Variants in FMN1 observed in about 807,000 individuals in gnomAD.
FMN1 encodes formin 1, also known as formin-1.
FMN1 carries 110 observed loss-of-function variants against 132.4 expected under a neutral mutation model. The ratio of observed to expected loss-of-function variants is 0.83; its 90% confidence interval spans 0.71 to 0.97. FMN1 has a LOEUF of 0.97. FMN1 is among the 50% of genes least tolerant of loss of function. The probability of loss-of-function intolerance (pLI) is 0.00; values close to 1 mark genes in which losing one functional copy is unlikely to be tolerated. For missense variants in FMN1, 1,792 were observed against 1,705.3 expected (o/e 1.05, Z -0.90); for synonymous variants, 722 against 651.7 (o/e 1.11, Z -1.64).
intron 12 of FMN1, among the ~76,000 whole-genome samples, chr15:32,902,705 A>G (rs951916559): frequency 6.6e-6 from 1 of 152,166 alleles, no homozygotes; most frequent in Non-Finnish European, 1.5e-5. Flanking sequence ...CAGATCTTAA[A>G]AGCTAAAGGT....
At chr15:32,956,818 A>G (rs897865075) in intron 9 of FMN1, among the ~76,000 whole-genome samples, 2 of 152,210 alleles carry the variant, frequency 1.3e-5, no homozygotes, top group Non-Finnish European at 2.9e-5. Flanking sequence ...TAAACTTGGA[A>G]AGCAATAGGT....
At chr15:33,143,601 C>G (rs1365450435) in intron 4 of FMN1, among the ~76,000 whole-genome samples, 1 of 152,034 alleles carries the variant, frequency 6.6e-6, no homozygotes, top group South Asian at 2.1e-4. Context: ...GATGGGACAC[C>G]AAGAACAAAG....
chr15:33,117,709 A>G (rs1405875482), intron 4 of FMN1, among the ~76,000 whole-genome samples: 1 of 152,088 alleles, frequency 6.6e-6, no homozygotes, highest in Non-Finnish European at 1.5e-5. Context: ...CTAGAGATTA[A>G]CTATTATCTA....
chr15:32,978,987 G>A (rs1253614858), intron 7 of FMN1, among the ~76,000 whole-genome samples: 1 of 152,186 alleles, frequency 6.6e-6, no homozygotes, highest in Non-Finnish European at 1.5e-5. Flanking sequence ...TCTTTCTGGT[G>A]TAAAAGATGA....
At chr15:32,799,260 C>T (rs778963723) in intron 18 of FMN1, among the ~76,000 whole-genome samples, 1 of 152,134 alleles carries the variant, frequency 6.6e-6, no homozygotes, top group Admixed American at 6.5e-5. Flanking sequence ...CTCAAATCCC[C>T]GTCTCTTCCC....
chr15:33,098,084 T>C lies in FMN1; in HGVS notation c.1868-9110A>G, dbSNP rs2039155043. On this transcript the variant is annotated intron_variant, in intron 4 of 20. Coordinates refer to ENST00000616417, the MANE Select transcript of FMN1 (RefSeq NM_001277313.2). ...GCTACAATGGAATTAAATTAGGTAC[T>C]GATAACAGAAAATTATTCGGAAAAT... Among the ~76,000 whole-genome samples, 5 of 152,218 alleles carry C rather than the reference T, an allele frequency of 3.3e-5. No homozygotes were observed. The South Asian group carries it at 8.3e-4, about 25-fold the overall frequency.
chr15:33,036,417 T>C (rs2036195392), intron 6 of FMN1, among the ~76,000 whole-genome samples: 1 of 152,242 alleles, frequency 6.6e-6, no homozygotes, highest in Non-Finnish European at 1.5e-5. Flanking sequence ...TAATTATCAC[T>C]GTATATTTAA....
At chr15:33,002,373 T>G (rs1479861596) in intron 7 of FMN1, among the ~76,000 whole-genome samples, 1 of 152,212 alleles carries the variant, frequency 6.6e-6, no homozygotes, top group Non-Finnish European at 1.5e-5. Context: ...ACTAGGTCTG[T>G]GACAAAAGAT....
chr15:33,002,186 C>CT (rs2140915479), intron 7 of FMN1, among the ~76,000 whole-genome samples: 1 of 152,252 alleles, frequency 6.6e-6, no homozygotes, highest in East Asian at 1.9e-4. Context: ...GTCACTTTTT[C>CT]TTTTGTACTT....
Position 33,067,027 on chromosome 15 carries a change from C to A in FMN1, c.2044-1953G>T, listed in dbSNP as rs761299251. The A allele has an allele frequency of 2.5e-6, 4 of 1,613,874 alleles. No homozygotes were observed. The African/African-American group carries it at 5.3e-5, about 22-fold the overall frequency. ...TGGTCTCTCCTCCCTCAGCGGTAGC[C>A]CCCTTCTTCAGCACACGAAGCCCAC... On this transcript the variant is annotated intron_variant, in intron 5 of 20. Transcript: ENST00000616417.
At chr15:32,907,465 G>A (rs935776265) in intron 12 of FMN1, among the ~76,000 whole-genome samples, 3 of 152,046 alleles carry the variant, frequency 2.0e-5, no homozygotes, top group Non-Finnish European at 2.9e-5. Context: ...TGGTAATGCC[G>A]GCTTGTCTCT....
chr15:33,187,386 G>A (rs78032338), intron 2 of FMN1, among the ~76,000 whole-genome samples: 2,405 of 152,214 alleles, frequency 0.016, 70 homozygotes, highest in East Asian at 0.12. Context: ...AAAGAGTCCT[G>A]AAGAACCCTG....
intron 4 of FMN1, among the ~76,000 whole-genome samples, chr15:33,122,222 A>G (rs1246379200): frequency 6.6e-6 from 1 of 152,226 alleles, no homozygotes; most frequent in East Asian, 1.9e-4. Context: ...GTCACCAAAA[A>G]AAGTGAATAA....
At chr15:33,037,288 A>G (rs1206848798) in intron 6 of FMN1, among the ~76,000 whole-genome samples, 1 of 152,076 alleles carries the variant, frequency 6.6e-6, no homozygotes, top group Non-Finnish European at 1.5e-5. Flanking sequence ...AGATGCTTAC[A>G]GTTCCCAGTC....
chr15:32,824,891 A>G (rs2058325296), intron 17 of FMN1, among the ~76,000 whole-genome samples: 1 of 152,218 alleles, frequency 6.6e-6, no homozygotes, highest in Non-Finnish European at 1.5e-5. Context: ...ACATCCTGAC[A>G]TGAATAGCTG....
chr15:32,963,416 A>AGC (rs1393539548), intron 9 of FMN1, among the ~76,000 whole-genome samples: 1 of 152,028 alleles, frequency 6.6e-6, no homozygotes, highest in East Asian at 1.9e-4. Context: ...TAGTGGGTGC[A>AGC]GCGCACCAGC....
In FMN1 at chr15:33,153,498, C is replaced by A. The variant is rs1285234362; in HGVS notation, c.1417G>T (p.Asp473Tyr). The A allele has an allele frequency of 1.3e-6, 2 of 1,536,404 alleles. No homozygotes were observed. Among genetic ancestry groups the A allele is most frequent in the Non-Finnish European group, 1.7e-6 (2 of 1,146,996 alleles). The change falls in exon 4 of 21, where the codon GAT becomes TAT. Residue 473 changes from aspartate (D) to tyrosine (Y), a missense_variant. Asp to Tyr is a radical substitution (Grantham distance 160). This residue lies in a region of FMN1 where 638 missense variants were observed against 645.2 expected (regional missense o/e 0.99). Transcript: ENST00000616417. Reference protein sequence around the residue: ...PLGGHKSLFLDLPHKVGPDSS... With the variant: ...PLGGHKSLFLYLPHKVGPDSS... ...TCAGGACCTACTTTGTGGGGCAGAT[C>A]CAGAAACAAGGACTTGTGGCCACCA... is the stretch of plus-strand genomic sequence containing the variant.
chr15:32,837,729 T>C (rs1175201240), intron 17 of FMN1, among the ~76,000 whole-genome samples: 1 of 152,252 alleles, frequency 6.6e-6, no homozygotes, highest in Non-Finnish European at 1.5e-5. Context: ...TAGGGTCTTT[T>C]AGACTGGAAT....
At chr15:32,843,773 AATGCCTGACTCTGAGATG>A (rs1365312387) in intron 17 of FMN1, among the ~76,000 whole-genome samples, 1 of 152,216 alleles carries the variant, frequency 6.6e-6, no homozygotes, top group Non-Finnish European at 1.5e-5. Context: ...CAAAGGTCTC[AATGCCTGACTCTGAGATG>A]GAGTAAGGAT....
Sources: allele counts gnomAD v4.1 joint callset (sites outside exome capture counted in the v4.1 genomes callset), GRCh38; gene constraint gnomAD v4.1.1; regional missense constraint gnomAD v4.1.1; transcripts MANE v1.5; gene names NCBI Gene and HGNC (gene_info 2026-07-23, HGNC 2026-07-21).